The following NHLRC2 variants were observed in gnomAD, a reference collection of about 807,000 sequenced individuals.
The protein encoded by NHLRC2 is NHL repeat containing 2, also known as NHL repeat-containing protein 2.
NHLRC2 carries 33 observed loss-of-function variants against 68.1 expected under a neutral mutation model. That is an observed-to-expected ratio of 0.48 (90% confidence interval 0.37 to 0.65). The LOEUF (loss-of-function observed/expected upper bound fraction) is 0.65, where lower values mean the gene tolerates loss of function less well. Ranked by LOEUF, NHLRC2 falls within the 30% of genes least tolerant of loss-of-function variation. The pLI is 0.00. For synonymous variants in NHLRC2, 311 were observed against 309.6 expected (o/e 1.00, Z -0.05); for missense variants, 761 against 853.8 (o/e 0.89, Z 1.35).
At chr10:113,855,393 C>G (rs1845738369) in intron 1 of NHLRC2, among the ~76,000 whole-genome samples, 1 of 152,206 alleles carries the variant, frequency 6.6e-6, no homozygotes, top group African/African-American at 2.4e-5. Flanking sequence ...AATCTGGTTC[C>G]CCAGTGTCTT....
chr10:113,902,766 A>C (rs527384286), intron 8 of NHLRC2, among the ~76,000 whole-genome samples, 173 bp downstream of exon 8: 2 of 152,324 alleles, frequency 1.3e-5, no homozygotes, highest in Non-Finnish European at 1.5e-5. Context: ...CTTTGCCAAG[A>C]GGTTATGATG....
intron 6 of NHLRC2, among the ~76,000 whole-genome samples, chr10:113,901,379 A>G (rs1049632027): frequency 6.6e-6 from 1 of 152,204 alleles, no homozygotes; most frequent in Non-Finnish European, 1.5e-5. Flanking sequence ...CATTATTTTT[A>G]TCTTATAATT....
rs186856048 is a variant in NHLRC2 at position 113,899,013 on chromosome 10, T to C, written c.1139+804T>C. Among the ~76,000 whole-genome samples, 291 of 152,186 alleles carry C rather than the reference T, an allele frequency of 1.9e-3. 2 individuals are homozygous for C. The highest frequency in any genetic ancestry group is 6.8e-3 in the African/African-American group (281 of 41,518). On this transcript the variant is annotated intron_variant, in intron 6 of 10. Transcript: ENST00000369301. Reference sequence around the variant, plus strand: ...TTTTTTTCCTTAGACCCTTTCCTCTTCCCCCAATACCCCAGGCAGAACTGG... The same window carrying C: ...TTTTTTTCCTTAGACCCTTTCCTCTCCCCCCAATACCCCAGGCAGAACTGG...
At chr10:113,879,229 A>T (rs1846014550) in intron 3 of NHLRC2, among the ~76,000 whole-genome samples, 1 of 152,142 alleles carries the variant, frequency 6.6e-6, no homozygotes, top group African/African-American at 2.4e-5. Flanking sequence ...TCATTGTATT[A>T]TCCAAGGAGC....
In NHLRC2 at chr10:113,908,507, G is replaced by A. The variant is rs1227665304; in HGVS notation, c.2152G>A (p.Ala718Thr). The A allele has an allele frequency of 2.5e-6, 4 of 1,614,052 alleles. No homozygotes were observed. The highest frequency in any genetic ancestry group is 2.5e-6 in the Non-Finnish European group (3 of 1,179,970). The change falls in exon 11 of 11, where the codon GCT becomes ACT. Residue 718 changes from alanine to threonine, a missense_variant. By Grantham distance (58) the Ala-to-Thr change is moderately conservative. Coordinates refer to ENST00000369301, the MANE Select transcript of NHLRC2 (RefSeq NM_198514.4). ...AACGGATACACAGCAAGGTTGCATA[G>A]CTCCAGTAGAGCTCAGGTATGTATT... ...QITDTQQGCI[A>T]PVELRYVF
chr10:113,906,720 T>A (rs1409719718), intron 10 of NHLRC2, among the ~76,000 whole-genome samples: 1 of 152,246 alleles, frequency 6.6e-6, no homozygotes, highest in Non-Finnish European at 1.5e-5. Flanking sequence ...CCAGGCGTGG[T>A]GGCTCACGCC....
Position 113,909,635 on chromosome 10 carries a change from T to G in NHLRC2, c.*1099T>G, listed in dbSNP as rs1008488099. The G allele has an allele frequency of 1.3e-5, 2 of 152,178 alleles. No individual in the cohort carries two copies. The highest frequency in any genetic ancestry group is 2.4e-5 in the African/African-American group (1 of 41,468). The allele number at this position is 152,178 out of a possible 1,614,324, so 9.4% of individuals were successfully genotyped here. On this transcript the variant is annotated 3_prime_UTR_variant, in exon 11 of 11. Transcript: ENST00000369301. The stretch of plus-strand genomic sequence containing the variant: ...TATTAAGGCCGAAACAGTGATTTAA[T>G]GATACTATTTTTTAATTTTTGTTGT...
At chr10:113,874,915 T>A (rs1845964134) in intron 2 of NHLRC2, among the ~76,000 whole-genome samples, 1 of 152,018 alleles carries the variant, frequency 6.6e-6, no homozygotes, top group African/African-American at 2.4e-5. Context: ...TTTCCATTTC[T>A]CTGTTTTTAT....
rs755264403 is a variant in NHLRC2, at chr10:113,908,429, G to T, written c.2074G>T (p.Asp692Tyr). 76 of 1,613,844 alleles carry T rather than the reference G, an allele frequency of 4.7e-5. No individual in the cohort carries two copies. Among genetic ancestry groups the T allele is most frequent in the Non-Finnish European group, 5.7e-5 (67 of 1,179,882 alleles). Residue 692 changes from aspartate to tyrosine, a missense_variant, in exon 11 of 11, where the codon GAC (aspartate) becomes TAC (tyrosine). By Grantham distance (160) the Asp-to-Tyr change is radical (BLOSUM62 -3). Transcript: ENST00000369301. ...TGTGTTTCTTTATTACTGTAGTGCA[G>T]ACAGCAGTGCTTGTATGATGAAGGC... The part of the protein sequence containing the change: ...VSVFLYYCSA[D>Y]SSACMMKAIL...
intron 5 of NHLRC2, among the ~76,000 whole-genome samples, chr10:113,885,075 T>C (rs1366564870): frequency 6.6e-6 from 1 of 151,814 alleles, no homozygotes; most frequent in Non-Finnish European, 1.5e-5. Flanking sequence ...ATGTCGAAAA[T>C]GTAATTTTGG....
At chr10:113,856,702 A>G (rs559587064) in intron 1 of NHLRC2, among the ~76,000 whole-genome samples, 1 of 152,198 alleles carries the variant, frequency 6.6e-6, no homozygotes, top group African/African-American at 2.4e-5. Context: ...AAAAAAACAT[A>G]TAATAAAATA....
chr10:113,894,923 A>G (rs1405870736), intron 5 of NHLRC2, among the ~76,000 whole-genome samples: 1 of 152,156 alleles, frequency 6.6e-6, no homozygotes, highest in Non-Finnish European at 1.5e-5. Context: ...TAGGTAGTAT[A>G]ATCCACCTGT....
rs1477717927 is a variant in NHLRC2 at position 113,915,032 on chromosome 10, T to C, written c.*6496T>C. The C allele has an allele frequency of 4.4e-6, 2 of 456,156 alleles. No individual in the cohort carries two copies. The highest frequency in any genetic ancestry group is 8.8e-6 in the Non-Finnish European group (2 of 226,966). 28.3% of individuals were successfully genotyped at this position (456,156 alleles called of 1,614,324 possible). On this transcript the variant is annotated 3_prime_UTR_variant, in exon 11 of 11. Transcript: ENST00000369301. ...GGCAGCCCCACTCGGCTTTTCTGAT[T>C]GCATCCCACCTGTTTCTGAGTGTGT... is the stretch of plus-strand genomic sequence containing the variant.
intron 2 of NHLRC2, among the ~76,000 whole-genome samples, chr10:113,872,761 T>TAAA (rs56279136): frequency 1.5e-3 from 207 of 136,350 alleles, no homozygotes; most frequent in Non-Finnish European, 2.1e-3. Flanking sequence ...GAAAATGAGC[T>TAAA]AAAAAAAAAA....
intron 5 of NHLRC2, among the ~76,000 whole-genome samples, 162 bp downstream of exon 5, chr10:113,884,542 A>G (rs1008207051): frequency 6.6e-6 from 1 of 151,484 alleles, no homozygotes; most frequent in Non-Finnish European, 1.5e-5. Flanking sequence ...CAAAGCTAGC[A>G]GTAATATAGA....
Position 113,854,908 on chromosome 10 carries a change from C to T in NHLRC2, c.36C>T (p.Ser12=). Residue 12 remains serine, a synonymous_variant, in exon 1 of 11, where the codon TCC becomes TCT. Coordinates refer to ENST00000369301, the MANE Select transcript of NHLRC2 (RefSeq NM_198514.4). ...CCGGAGGCCGGGGCCGCAGCCTCTC[C>T]GGCCTGCTCCCCGCGCAGACCTCGC... ...AAPGGRGRSL[S]GLLPAQTSLE... is the part of the protein sequence containing the mutation. 9 of 1,552,184 alleles carry T rather than the reference C, an allele frequency of 5.8e-6. No individual in the cohort carries two copies. Among genetic ancestry groups the T allele is most frequent in the Middle Eastern group, 1.9e-4 (1 of 5,326 alleles).
At chr10:113,905,379 A>G (rs1564859749) in intron 10 of NHLRC2, among the ~76,000 whole-genome samples, 1 of 152,206 alleles carries the variant, frequency 6.6e-6, no homozygotes, top group Non-Finnish European at 1.5e-5. Context: ...AGTCTGAAAT[A>G]GAGAAAGTGG....
intron 2 of NHLRC2, among the ~76,000 whole-genome samples, chr10:113,876,304 G>A (rs1047867197): frequency 1.3e-5 from 2 of 152,036 alleles, no homozygotes; most frequent in Admixed American, 6.6e-5. Flanking sequence ...ATTTGATCAT[G>A]TGTGTTTTTA....
rs756693286 is a variant in NHLRC2 at position 113,879,605 on chromosome 10, T to A, written c.819T>A (p.Phe273Leu). 6.2e-7 allele frequency: 1 copy of A among 1,603,302 alleles called. No individual in the cohort carries two copies. The highest frequency in any genetic ancestry group is 8.5e-7 in the Non-Finnish European group (1 of 1,174,142). Reference sequence around the variant, plus strand: ...ACCCTGGAAGAAAAGATGGAATATTTTCAGAATCAACTTTTAATTCTCCAC... The same window carrying A: ...ACCCTGGAAGAAAAGATGGAATATTATCAGAATCAACTTTTAATTCTCCAC... ...GPNPGRKDGI[F>L]SESTFNSPQG... Residue 273 changes from phenylalanine to leucine, a missense_variant, in exon 4 of 11, where the codon TTT becomes TTA. By Grantham distance (22) the Phe-to-Leu change is conservative. Transcript: ENST00000369301.
Sources: gnomAD v4.1 joint callset for allele counts (sites outside exome capture counted in the v4.1 genomes callset) on GRCh38, gnomAD v4.1.1 for gene constraint, MANE v1.5 for transcripts, NCBI Gene and HGNC (gene_info 2026-07-23, HGNC 2026-07-21) for gene names.